Variants in REEP4 observed in about 807,000 individuals in gnomAD.
REEP4 encodes receptor expression-enhancing protein 4.
Under a neutral mutation model 33.5 loss-of-function variants are expected in REEP4, and 17 were observed. That is an observed-to-expected ratio of 0.51 (90% confidence interval 0.35 to 0.76). REEP4 has a LOEUF of 0.76. REEP4 is among the 30% of genes least tolerant of loss of function. REEP4 has a pLI of 0.01. For missense variants in REEP4, 340 were observed against 357.9 expected, an observed-to-expected ratio of 0.95 and a Z score of 0.40; for synonymous variants, 157 against 142.9, an observed-to-expected ratio of 1.10 and a Z score of -0.70.
In REEP4 at chr8:22,141,548, C is replaced by T. The variant is rs1827231855; in HGVS notation, c.-66G>A. The T allele has an allele frequency of 2.6e-6, 4 of 1,544,032 alleles. No homozygotes were observed. The highest frequency in any genetic ancestry group is 2.4e-5 in the East Asian group (1 of 41,998). ...GCTCAGAAGGACGTTCACTCAAGGG[C>T]TGGGACGGGGGGTGATCAGGGCAGT... is the stretch of plus-strand genomic sequence containing the variant. On this transcript the variant is annotated 5_prime_UTR_variant, in exon 1 of 8. Coordinates refer to ENST00000306306, the MANE Select transcript of REEP4 (RefSeq NM_025232.4).
intron 4 of REEP4, 150 bp downstream of exon 4, chr8:22,139,813 A>T (rs1827197471): frequency 1.1e-6 from 1 of 944,154 alleles, no homozygotes; most frequent in Non-Finnish European, 1.6e-6. Flanking sequence ...CCAGAAGATG[A>T]GGTAGGCTGG....
chr8:22,140,022 T>C lies in REEP4; in HGVS notation c.244A>G (p.Lys82Glu), dbSNP rs192201911. ...FVLWLLSPYT[K>E]GASLLYRKFV... Reference sequence around the variant, plus strand: ...TTGCGGTAAAGCAGGCTGGCGCCCTTGGTGTAGGGTGAGAGCAGCCACAGC... The same window carrying C: ...TTGCGGTAAAGCAGGCTGGCGCCCTCGGTGTAGGGTGAGAGCAGCCACAGC... Residue 82 changes from lysine to glutamate, a missense_variant, in exon 4 of 8, where the codon AAG (lysine) becomes GAG (glutamate). Lys to Glu is a moderately conservative substitution (Grantham distance 56, BLOSUM62 1). Coordinates refer to ENST00000306306, the MANE Select transcript of REEP4 (RefSeq NM_025232.4). 6.2e-7 allele frequency: 1 copy of C among 1,607,092 alleles called. No homozygotes were observed. The highest frequency in any genetic ancestry group is 2.2e-5 in the East Asian group (1 of 44,506).
At chr8:22,141,240 G>T (rs1827225061) in intron 1 of REEP4, among the ~76,000 whole-genome samples, 1 of 152,258 alleles carries the variant, frequency 6.6e-6, no homozygotes, top group Non-Finnish European at 1.5e-5. Context: ...GCGTGCGGCA[G>T]GGGTCGTTCT....
rs35574275 is a variant in REEP4, at chr8:22,140,225, A to T, written c.129T>A (p.Ile43=). 0.1 allele frequency: 165,882 copies of T among 1,613,972 alleles called. 9,491 individuals carry two copies. The highest frequency in any genetic ancestry group is 0.12 in the Non-Finnish European group (140,626 of 1,179,928). Residue 43 remains isoleucine (I), a synonymous_variant, in exon 3 of 8, where the codon ATT becomes ATA. Coordinates refer to ENST00000306306, the MANE Select transcript of REEP4 (RefSeq NM_025232.4). The stretch of plus-strand genomic sequence containing the variant: ...CTGCTGCCATGAAGAGTGCAAAAAC[A>T]ATCCAGTACATCATCCACCGCACCT... The part of the protein sequence containing the change: ...REYVRWMMYW[I]VFALFMAAEI...
chr8:22,138,128 G>A lies in REEP4; in HGVS notation c.*359C>T, dbSNP rs1046486505. 27 of 588,640 alleles carry A rather than the reference G, an allele frequency of 4.6e-5. No individual in the cohort carries two copies. In the African/African-American group the frequency reaches 4.8e-4, roughly 11 times the overall value. 36.5% of individuals were successfully genotyped at this position (588,640 alleles called of 1,614,324 possible). On this transcript the variant is annotated 3_prime_UTR_variant, in exon 8 of 8. Transcript: ENST00000306306. ...GCCAGGCCTTATGAAAGGCTATCAAGTACTTTGAAGGACAGGAAGGAATGA... is the reference window on the plus strand; with the variant it reads ...GCCAGGCCTTATGAAAGGCTATCAAATACTTTGAAGGACAGGAAGGAATGA...
At position 22,139,051 on chromosome 8, in the gene REEP4, G is replaced by A. The variant is rs756827594; in HGVS notation, c.428C>T (p.Ala143Val). ...AVQAATKSQG[A>V]LAGRLRSFSM... ...GAAGCTCCGCAGCCTGCCGGCCAGC[G>A]CCCCCTGACTCTGCGAGGGGGAAGA... Residue 143 changes from alanine (A) to valine (V), a missense_variant, in exon 6 of 8, where the codon GCG (alanine) becomes GTG (valine). By Grantham distance (64) the Ala-to-Val change is moderately conservative (BLOSUM62 0). Coordinates refer to ENST00000306306, the MANE Select transcript of REEP4 (RefSeq NM_025232.4). The A allele has an allele frequency of 4.3e-5, 67 of 1,569,514 alleles. No homozygotes were observed. Among genetic ancestry groups the A allele is most frequent in the Middle Eastern group, 1.7e-4 (1 of 5,852 alleles).
Position 22,139,060 on chromosome 8 carries a change from C to A in REEP4, c.419G>T (p.Ser140Ile). 2 of 1,568,692 alleles carry A rather than the reference C, an allele frequency of 1.3e-6. No individual in the cohort carries two copies. Among genetic ancestry groups the A allele is most frequent in the South Asian group, 1.2e-5 (1 of 83,498 alleles). Residue 140 changes from serine to isoleucine, a missense_variant and splice_region_variant, in exon 6 of 8, where the codon AGT becomes ATT. Ser to Ile is a moderately radical substitution (Grantham distance 142, BLOSUM62 -2). Transcript: ENST00000306306. ...ASAAVQAATK[S>I]QGALAGRLRS... ...CAGCCTGCCGGCCAGCGCCCCCTGA[C>A]TCTGCGAGGGGGAAGAGGCTTCAGC...
At chr8:22,139,316 CCGGCTGCCATCT>C (rs1197026974) in intron 5 of REEP4, 88 bp downstream of exon 5, 2 of 1,077,452 alleles carry the variant, frequency 1.9e-6, no homozygotes, top group African/African-American at 3.1e-5. Flanking sequence ...CCCCTGCTCC[CCGGCTGCCATCT>C]CTGGGCTCCC....
intron 4 of REEP4, 25 bp from the exon 5 acceptor site, chr8:22,139,554 C>G: frequency 6.5e-7 from 1 of 1,549,378 alleles, no homozygotes; most frequent in Middle Eastern, 1.7e-4. Flanking sequence ...GGGAGGAGAG[C>G]TCAGGTGGAC....
chr8:22,139,285 T>C, intron 5 of REEP4, 131 bp downstream of exon 5: 1 of 929,828 alleles, frequency 1.1e-6, no homozygotes, highest in Non-Finnish European at 1.7e-6. Flanking sequence ...CTTCTGCCAA[T>C]ACCCCCCCGT....
chr8:22,138,678 C>T lies in REEP4; in HGVS notation c.669G>A (p.Gln223=). The stretch of plus-strand genomic sequence containing the variant: ...GCTTCCTCTTGACCACACGCAGGCT[C>T]TGGCTGCGGATTAGGGGCTTCTCTC... ...RPREKPLIRS[Q]SLRVVKRKPP... The change falls in exon 7 of 8, where the codon CAG becomes CAA. Residue 223 remains glutamine (Q), a synonymous_variant. Transcript: ENST00000306306. The T allele has an allele frequency of 6.2e-7, 1 of 1,613,848 alleles. No individual in the cohort carries two copies. The highest frequency in any genetic ancestry group is 8.5e-7 in the Non-Finnish European group (1 of 1,180,014).
Position 22,138,772 on chromosome 8 carries a change from T to G in REEP4, c.575A>C (p.Gln192Pro), listed in dbSNP as rs1827173055. 1 of 1,607,364 alleles carries G rather than the reference T, an allele frequency of 6.2e-7. No homozygotes were observed. Among genetic ancestry groups the G allele is most frequent in the Non-Finnish European group, 8.5e-7 (1 of 1,177,890 alleles). The change falls in exon 7 of 8, where the codon CAG becomes CCG. Residue 192 changes from glutamine to proline, a missense_variant. Physicochemically the swap from Gln to Pro is moderately conservative, Grantham distance 76. Transcript: ENST00000306306. ...ACACTCATCCTCGGTGTCGCTGTCCTGCAGGCCCCCGGCCCGGTACCCTGT... is the reference window on the plus strand; with the variant it reads ...ACACTCATCCTCGGTGTCGCTGTCCGGCAGGCCCCCGGCCCGGTACCCTGT... ...PPIGYRAGGLQDSDTEDECWS... is the reference protein window; with the variant it reads ...PPIGYRAGGLPDSDTEDECWS...
At position 22,139,826 on chromosome 8, in the gene REEP4, C is replaced by G. The variant is rs369994344; in HGVS notation, c.303+137G>C. The G allele has an allele frequency of 4.1e-4, 437 of 1,059,544 alleles. 2 individuals are homozygous for G. In the East Asian group the frequency reaches 0.01, roughly 25 times the overall value. The allele number at this position is 1,059,544 out of a possible 1,614,324, so 65.6% of individuals were successfully genotyped here. On this transcript the variant is annotated intron_variant, in intron 4 of 7. Coordinates refer to ENST00000306306, the MANE Select transcript of REEP4 (RefSeq NM_025232.4). ...TCCCAGAAGATGAGGTAGGCTGGGC[C>G]CTGTCAAGGTCCTGCCCCTCAATAG... is the stretch of plus-strand genomic sequence containing the variant.
intron 1 of REEP4, among the ~76,000 whole-genome samples, 166 bp from the exon 2 acceptor site, chr8:22,140,863 A>T (rs558610524): frequency 3.3e-5 from 5 of 152,218 alleles, no homozygotes; most frequent in Non-Finnish European, 7.4e-5. Context: ...CCACCTCCCC[A>T]CCCTGCTGTT....
intron 2 of REEP4, among the ~76,000 whole-genome samples, 174 bp downstream of exon 2, chr8:22,140,451 C>T (rs528298898): frequency 6.9e-6 from 1 of 145,670 alleles, no homozygotes; most frequent in South Asian, 2.2e-4. Context: ...CTTCCACAGG[C>T]ACCCCGATGG....
Position 22,138,966 on chromosome 8 carries a change from GA to G in REEP4, c.512del (p.Leu171ProfsTer49), listed in dbSNP as rs765639506. The G allele has an allele frequency of 6.2e-7, 1 of 1,608,720 alleles. No individual in the cohort carries two copies. The highest frequency in any genetic ancestry group is 8.5e-7 in the Non-Finnish European group (1 of 1,177,780). On this transcript the variant is annotated frameshift_variant, in exon 6 of 8. Transcript: ENST00000306306. LOFTEE classifies it high-confidence loss of function. ...GGTGGGACACCTGGTCCTCCAGGTA[GA>G]GGGGGTCATGGTAGGCAGGGGCAGG... Reference protein sequence around the residue: ...DAPAPAYHDPLYLEDQVSHRR... With the variant: ...DAPAPAYHDPXYLEDQVSHRR...
At chr8:22,138,858 G>A (rs1827174836) in intron 6 of REEP4, 65 bp from the exon 7 acceptor site, 1 of 1,553,672 alleles carries the variant, frequency 6.4e-7, no homozygotes. Context: ...GAGCCTTGGG[G>A]GAAGCCATGG....
intron 1 of REEP4, 48 bp from the exon 2 acceptor site, chr8:22,140,745 C>T: frequency 6.5e-7 from 1 of 1,533,538 alleles, no homozygotes; most frequent in Non-Finnish European, 8.9e-7. Context: ...GCCCCACTCC[C>T]ACCTTGCCAA....
chr8:22,141,519 A>G lies in REEP4; in HGVS notation c.-37T>C. ...TTGGGACGTGGGGAGGACCCCAGGA[A>G]GCCGCTCAGAAGGACGTTCACTCAA... On this transcript the variant is annotated 5_prime_UTR_variant, in exon 1 of 8. Coordinates refer to ENST00000306306, the MANE Select transcript of REEP4 (RefSeq NM_025232.4). The G allele has an allele frequency of 6.3e-7, 1 of 1,585,496 alleles. No individual in the cohort carries two copies. Among genetic ancestry groups the G allele is most frequent in the South Asian group, 1.2e-5 (1 of 86,822 alleles).
Sources: gnomAD v4.1 joint callset for allele counts (sites outside exome capture counted in the v4.1 genomes callset) on GRCh38, gnomAD v4.1.1 for gene constraint, MANE v1.5 for transcripts, NCBI Gene and HGNC (gene_info 2026-07-23, HGNC 2026-07-21) for gene names.